TUSC3: variants seen among roughly 807,000 people sequenced by gnomAD.
The protein encoded by TUSC3 is tumor suppressor candidate 3.
A neutral mutation model predicts 44.8 loss-of-function variants in TUSC3; 45 were observed. That is an observed-to-expected ratio of 1.00 (90% CI 0.79 to 1.29). The LOEUF (loss-of-function observed/expected upper bound fraction) is 1.29. Among genes scored for constraint, TUSC3 ranks in the 50% most tolerant of loss-of-function variants. The pLI, the probability that TUSC3 is intolerant of heterozygous loss-of-function variation, is 0.00. For missense variants in TUSC3, 519 were observed against 437.9 expected (o/e 1.19, Z -1.65); for synonymous variants, 212 against 152.9 (o/e 1.39, Z -2.85).
intron 1 of TUSC3, among the ~76,000 whole-genome samples, chr8:15,428,454 G>C (rs1436558754): frequency 6.6e-6 from 1 of 151,980 alleles, no homozygotes; most frequent in East Asian, 1.9e-4. Context: ...CTTTATAGCA[G>C]CATGATTTAT....
At chr8:15,693,657 G>T (rs916323661) in intron 6 of TUSC3, among the ~76,000 whole-genome samples, 4 of 151,612 alleles carry the variant, frequency 2.6e-5, no homozygotes, top group Admixed American at 2.6e-4. Context: ...TTTCACAGGG[G>T]TTCTCTGCAT....
At chr8:15,802,694 C>T in the TUSC3 span, among the ~76,000 whole-genome samples, 1 of 151,926 alleles carries the variant, frequency 6.6e-6, no homozygotes, top group Non-Finnish European at 1.5e-5. Flanking sequence ...GAAATATGCC[C>T]CTACTGGTCA....
intron 2 of TUSC3, among the ~76,000 whole-genome samples, chr8:15,528,243 A>T (rs1801402220): frequency 6.6e-6 from 1 of 152,230 alleles, no homozygotes; most frequent in African/African-American, 2.4e-5. Flanking sequence ...ACAAGGTTAA[A>T]ATTAAAATGA....
At chr8:15,700,311 A>C (rs1809342105) in intron 6 of TUSC3, among the ~76,000 whole-genome samples, 2 of 151,712 alleles carry the variant, frequency 1.3e-5, no homozygotes. Flanking sequence ...GGGGTGTAAC[A>C]GTATTCTGGG....
intron 1 of TUSC3, among the ~76,000 whole-genome samples, chr8:15,543,134 G>T (rs142193044): frequency 2.0e-5 from 3 of 152,208 alleles, no homozygotes; most frequent in East Asian, 3.9e-4. Flanking sequence ...GACAGTATGT[G>T]GTCTCTTTCT....
At chr8:15,799,256 C>T in the TUSC3 span, among the ~76,000 whole-genome samples, 1 of 152,142 alleles carries the variant, frequency 6.6e-6, no homozygotes, top group African/African-American at 2.4e-5. Context: ...GCACATGTCT[C>T]AAGGGAACCA....
intron 2 of TUSC3, among the ~76,000 whole-genome samples, chr8:15,518,695 T>C (rs900341035): frequency 2.6e-5 from 4 of 152,146 alleles, no homozygotes; most frequent in Middle Eastern, 3.2e-3. Flanking sequence ...ATGAAAAATA[T>C]AGGGTTAAAG....
intron 1 of TUSC3, among the ~76,000 whole-genome samples, chr8:15,621,625 A>T (rs1805249730): frequency 6.8e-6 from 1 of 148,074 alleles, no homozygotes; most frequent in South Asian, 2.1e-4. Context: ...CATAAATATT[A>T]TATATAGATA....
chr8:15,747,797 G>A (rs1811485566), intron 8 of TUSC3, among the ~76,000 whole-genome samples: 1 of 152,014 alleles, frequency 6.6e-6, no homozygotes, highest in Admixed American at 6.6e-5. Context: ...TACCTGCCAT[G>A]GAGGGAGTTT....
At chr8:15,773,871 T>C in the TUSC3 span, among the ~76,000 whole-genome samples, 3 of 152,164 alleles carry the variant, frequency 2.0e-5, no homozygotes, top group Non-Finnish European at 4.4e-5. Flanking sequence ...AGTTGGACCC[T>C]TGCCTCACAC....
rs564269747 is a variant in TUSC3, at chr8:15,550,891, T to C, written c.138+10323T>C. Among the ~76,000 whole-genome samples, 3 of 151,852 alleles carry C rather than the reference T, an allele frequency of 2.0e-5. No individual in the cohort carries two copies. In the South Asian group the frequency reaches 6.3e-4, roughly 32 times the overall value. On this transcript the variant is annotated intron_variant, in intron 1 of 10. Coordinates refer to ENST00000503731, the MANE Select transcript of TUSC3 (RefSeq NM_006765.4). ...TTCATCATGTTCGCCATGCTGGCCT[T>C]AAATTCCTAACCTCGGGTGATCTGC... is the stretch of plus-strand genomic sequence containing the variant.
At chr8:15,630,002 G>A (rs1001395917) in intron 2 of TUSC3, among the ~76,000 whole-genome samples, 7 of 126,118 alleles carry the variant, frequency 5.6e-5, no homozygotes, top group African/African-American at 2.0e-4. Flanking sequence ...TCCCTTAAGT[G>A]TTAGCTCCAA....
chr8:15,490,239 C>A (rs1000903435), intron 2 of TUSC3, among the ~76,000 whole-genome samples: 11 of 152,140 alleles, frequency 7.2e-5, no homozygotes, highest in African/African-American at 2.7e-4. Context: ...ACAGGAGAAA[C>A]AAAGAGAAGA....
intron 1 of TUSC3, among the ~76,000 whole-genome samples, chr8:15,436,581 G>A (rs926924517): frequency 3.9e-5 from 6 of 152,156 alleles, no homozygotes; most frequent in African/African-American, 1.4e-4. Context: ...ACCGTATGGA[G>A]TACAGAGCAT....
At chr8:15,419,466 T>A (rs1799711267) in intron 1 of TUSC3, among the ~76,000 whole-genome samples, 2 of 152,226 alleles carry the variant, frequency 1.3e-5, no homozygotes, top group Non-Finnish European at 2.9e-5. Flanking sequence ...TTTTAGAATG[T>A]TTATTCATAA....
At chr8:15,466,220 G>A (rs1039344428) in intron 1 of TUSC3, among the ~76,000 whole-genome samples, 3 of 152,250 alleles carry the variant, frequency 2.0e-5, no homozygotes, top group Admixed American at 6.5e-5. Flanking sequence ...CCTAACTGTA[G>A]CAGACACATT....
intron 5 of TUSC3, among the ~76,000 whole-genome samples, chr8:15,663,422 T>C (rs541896481): frequency 6.6e-6 from 1 of 151,850 alleles, no homozygotes; most frequent in Non-Finnish European, 1.5e-5. Flanking sequence ...CAGTAGCCCT[T>C]CATCCTTCCC....
the TUSC3 span, among the ~76,000 whole-genome samples, chr8:15,819,281 A>G: frequency 8.5e-5 from 13 of 152,264 alleles, no homozygotes; most frequent in Admixed American, 2.0e-4. Flanking sequence ...CATTTAACAT[A>G]TTTGTTACTT....
the TUSC3 span, among the ~76,000 whole-genome samples, chr8:15,844,000 C>G: frequency 6.6e-6 from 1 of 152,096 alleles, no homozygotes; most frequent in Non-Finnish European, 1.5e-5. Context: ...CCAAATCTTT[C>G]AGAATTCCCT....
Sources: gnomAD v4.1 joint callset for allele counts (sites outside exome capture counted in the v4.1 genomes callset) on GRCh38, gnomAD v4.1.1 for gene constraint, MANE v1.5 for transcripts, NCBI Gene and HGNC (gene_info 2026-07-23, HGNC 2026-07-21) for gene names.